AGBL4: variants seen among roughly 807,000 people sequenced by gnomAD.
AGBL4 encodes cytosolic carboxypeptidase 6.
A neutral mutation model predicts 66.4 loss-of-function variants in AGBL4; 58 were observed. That is an observed-to-expected ratio of 0.87 (90% CI 0.71 to 1.09). The LOEUF (loss-of-function observed/expected upper bound fraction) is 1.09, where lower values mean the gene tolerates loss of function less well. Ranked by LOEUF, AGBL4 falls within the 50% of genes least tolerant of loss-of-function variation. The pLI is 0.00. For missense variants in AGBL4, 579 were observed against 631.0 expected, an observed-to-expected ratio of 0.92 and a Z score of 0.88; for synonymous variants, 234 against 222.9, an observed-to-expected ratio of 1.05 and a Z score of -0.44.
At chr1:49,453,145 T>C (rs1032943650) in intron 3 of AGBL4, among the ~76,000 whole-genome samples, 10 of 151,940 alleles carry the variant, frequency 6.6e-5, no homozygotes, top group African/African-American at 1.9e-4. Context: ...ACTAAGGTCA[T>C]GCCACTAAAC....
intron 2 of AGBL4, among the ~76,000 whole-genome samples, chr1:49,798,598 G>T (rs546831382): frequency 6.6e-6 from 1 of 152,150 alleles, no homozygotes; most frequent in South Asian, 2.1e-4. Context: ...TTCTCTATGA[G>T]GCATCTATTC....
intron 1 of AGBL4, among the ~76,000 whole-genome samples, chr1:49,934,496 A>T (rs984570199): frequency 2.0e-5 from 3 of 152,328 alleles, no homozygotes; most frequent in Non-Finnish European, 4.4e-5. Flanking sequence ...GGAATCAATA[A>T]CAGGAAAAAA....
intron 4 of AGBL4, among the ~76,000 whole-genome samples, chr1:49,166,445 G>A (rs1309028953): frequency 2.6e-5 from 4 of 152,050 alleles, no homozygotes. Flanking sequence ...TAATTTAGTG[G>A]TTTAACTTGG....
chr1:49,519,137 C>T (rs905172077), intron 3 of AGBL4, among the ~76,000 whole-genome samples: 7 of 151,972 alleles, frequency 4.6e-5, no homozygotes, highest in African/African-American at 1.4e-4. Flanking sequence ...ATTGATATGC[C>T]ATAGAAGATA....
chr1:50,014,331 AC>A (rs2148442068), intron 1 of AGBL4, among the ~76,000 whole-genome samples: 1 of 151,800 alleles, frequency 6.6e-6, no homozygotes, highest in East Asian at 1.9e-4. Context: ...AGATCACACT[AC>A]TGCACTCCAG....
At position 49,089,903 on chromosome 1, in the gene AGBL4, A is replaced by G. The variant is rs182353243; in HGVS notation, c.378-44103T>C. The stretch of plus-strand genomic sequence containing the variant: ...CACATCAAAAAGCTAATATGCCATG[A>G]TCAAGCAGGCTTTATCCCTAGGATG... On this transcript the variant is annotated intron_variant, in intron 4 of 13. Coordinates refer to ENST00000371839, the MANE Select transcript of AGBL4 (RefSeq NM_032785.4). Among the ~76,000 whole-genome samples, 3 of 152,332 alleles carry G rather than the reference A, an allele frequency of 2.0e-5. No homozygotes were observed. The East Asian group carries it at 5.8e-4, about 29-fold the overall frequency.
chr1:49,181,185 G>A (rs370248746), intron 4 of AGBL4, among the ~76,000 whole-genome samples: 1 of 151,912 alleles, frequency 6.6e-6, no homozygotes, highest in East Asian at 1.9e-4. Context: ...GTAAGGCCAC[G>A]ATCCACACCA....
chr1:50,014,506 T>C (rs1420450730), intron 1 of AGBL4, among the ~76,000 whole-genome samples: 1 of 151,132 alleles, frequency 6.6e-6, no homozygotes, highest in Non-Finnish European at 1.5e-5. Flanking sequence ...GTTTCCTAAA[T>C]AGACCTCATA....
At chr1:48,582,218 G>A in intron 11 of AGBL4, among the ~76,000 whole-genome samples, 1 of 151,482 alleles carries the variant, frequency 6.6e-6, no homozygotes, top group African/African-American at 2.4e-5. Context: ...AAACTCTTAT[G>A]TTCATGGAAT....
chr1:49,616,787 T>C (rs1042383140), intron 3 of AGBL4, among the ~76,000 whole-genome samples: 1 of 152,272 alleles, frequency 6.6e-6, no homozygotes, highest in Non-Finnish European at 1.5e-5. Context: ...ATAAAAAACT[T>C]TGATGCCATC....
At chr1:49,845,233 G>A (rs1571699806) in intron 2 of AGBL4, 4 of 1,531,264 alleles carry the variant, frequency 2.6e-6, no homozygotes, top group Non-Finnish European at 2.7e-6. Context: ...CCACACTGGG[G>A]AGAAACCCTA....
At chr1:49,232,108 G>C (rs1248944683) in intron 4 of AGBL4, among the ~76,000 whole-genome samples, 1 of 152,066 alleles carries the variant, frequency 6.6e-6, no homozygotes, top group Non-Finnish European at 1.5e-5. Flanking sequence ...ATGCATACAG[G>C]TTTCCACTGG....
chr1:49,534,285 T>C (rs185168015), intron 3 of AGBL4, among the ~76,000 whole-genome samples: 54 of 151,544 alleles, frequency 3.6e-4, no homozygotes, highest in African/African-American at 1.2e-3. Context: ...TAGAAGTCAG[T>C]ATATTTCTGT....
At chr1:48,630,147 T>G (rs1287652825) in intron 9 of AGBL4, among the ~76,000 whole-genome samples, 2 of 152,158 alleles carry the variant, frequency 1.3e-5, no homozygotes, top group Non-Finnish European at 2.9e-5. Flanking sequence ...ATGTCTCAGA[T>G]CAACGGTAGT....
intron 5 of AGBL4, among the ~76,000 whole-genome samples, chr1:49,039,913 G>A (rs1372400643): frequency 1.3e-5 from 2 of 151,922 alleles, no homozygotes; most frequent in African/African-American, 4.8e-5. Context: ...ACTAAATGCT[G>A]GCAAGGATTT....
intron 6 of AGBL4, among the ~76,000 whole-genome samples, chr1:48,821,348 G>A (rs1047005311): frequency 1.3e-5 from 2 of 152,172 alleles, no homozygotes; most frequent in African/African-American, 4.8e-5. Context: ...CAGTCTAAGT[G>A]TCCATCAGTG....
intron 6 of AGBL4, among the ~76,000 whole-genome samples, chr1:48,809,965 C>T (rs145341647): frequency 5.3e-5 from 8 of 152,224 alleles, no homozygotes; most frequent in Non-Finnish European, 1.2e-4. Flanking sequence ...AACCTATGCC[C>T]TATATTATGT....
intron 2 of AGBL4, among the ~76,000 whole-genome samples, chr1:49,704,542 T>C (rs1396859305): frequency 6.6e-6 from 1 of 152,162 alleles, no homozygotes; most frequent in African/African-American, 2.4e-5. Context: ...GGTTTTCTTC[T>C]AGGGTTTTTA....
At chr1:48,933,061 GA>G in intron 5 of AGBL4, among the ~76,000 whole-genome samples, 1 of 152,110 alleles carries the variant, frequency 6.6e-6, no homozygotes, top group African/African-American at 2.4e-5. Flanking sequence ...AGAAAGGCCT[GA>G]ACTAGTATCA....
Sources: gnomAD v4.1 joint callset for allele counts (sites outside exome capture counted in the v4.1 genomes callset) on GRCh38, gnomAD v4.1.1 for gene constraint, MANE v1.5 for transcripts, NCBI Gene and HGNC (gene_info 2026-07-23, HGNC 2026-07-21) for gene names.